ASTN2: variants seen among roughly 807,000 people sequenced by gnomAD.
ASTN2 encodes astrotactin 2.
In ASTN2, 54 loss-of-function variants were observed where a neutral mutation model predicts 139.8. The observed-to-expected ratio is 0.39, with a 90% CI of 0.31 to 0.48. The LOEUF is 0.48. Among genes scored for constraint, ASTN2 ranks in the 20% least tolerant of loss-of-function variants. The pLI is 0.95. For missense variants in ASTN2, 1,565 were observed against 1,725.1 expected, an observed-to-expected ratio of 0.91 and a Z score of 1.64; for synonymous variants, 756 against 719.5, an observed-to-expected ratio of 1.05 and a Z score of -0.81.
rs541328432 is a variant in ASTN2, at chr9:117,200,056, C to CT, written c.1015+14301dup. 3.5e-4 allele frequency among the ~76,000 whole-genome samples: 52 copies of CT among 150,472 alleles called. 1 individual carries two copies. Among genetic ancestry groups the CT allele is most frequent in the Non-Finnish European group, 4.1e-4 (28 of 67,512 alleles). On this transcript the variant is annotated intron_variant, in intron 3 of 22. Coordinates refer to ENST00000313400, the MANE Select transcript of ASTN2 (RefSeq NM_001365068.1). Reference sequence around the variant, plus strand: ...TTTGGGGCTGAGATGATGGAGTTTTCTTTTTTTTATTATTATTATTTTTTA... The same window carrying CT: ...TTTGGGGCTGAGATGATGGAGTTTTCTTTTTTTTTATTATTATTATTTTTTA...
chr9:117,061,845 G>T (rs1452020557), intron 5 of ASTN2, among the ~76,000 whole-genome samples: 2 of 152,046 alleles, frequency 1.3e-5, no homozygotes, highest in Admixed American at 1.3e-4. Context: ...GGGAGAGTTG[G>T]AAAAAAATCA....
At chr9:117,022,755 T>G (rs1443046757) in intron 6 of ASTN2, among the ~76,000 whole-genome samples, 1 of 152,036 alleles carries the variant, frequency 6.6e-6, no homozygotes, top group Admixed American at 6.6e-5. Context: ...AGCTGGGAGT[T>G]GGGGACTCAG....
intron 10 of ASTN2, among the ~76,000 whole-genome samples, chr9:116,945,637 C>T (rs1835374164): frequency 6.6e-6 from 1 of 151,902 alleles, no homozygotes; most frequent in Non-Finnish European, 1.5e-5. Context: ...TCCCTCCCTT[C>T]CTTCCTTCCA....
intron 19 of ASTN2, among the ~76,000 whole-genome samples, chr9:116,549,007 A>G (rs55716267): frequency 0.023 from 3,573 of 152,258 alleles, 130 homozygotes; most frequent in African/African-American, 0.082. Context: ...TTCTAGAAGG[A>G]GAAATTCTGA....
intron 10 of ASTN2, among the ~76,000 whole-genome samples, chr9:116,896,969 C>T (rs778218523): frequency 2.6e-5 from 4 of 152,174 alleles, no homozygotes; most frequent in Admixed American, 6.5e-5. Context: ...AACAAGAACT[C>T]GATCTCGTTA....
At chr9:116,962,764 C>T (rs751656942) in intron 10 of ASTN2, among the ~76,000 whole-genome samples, 7 of 152,008 alleles carry the variant, frequency 4.6e-5, no homozygotes, top group Non-Finnish European at 8.8e-5. Flanking sequence ...TGTGTGTTGT[C>T]ATAATATAAT....
At chr9:117,126,669 C>A (rs569879857) in intron 4 of ASTN2, among the ~76,000 whole-genome samples, 15 of 152,330 alleles carry the variant, frequency 9.8e-5, no homozygotes, top group African/African-American at 3.1e-4. Context: ...GGAAGCCTAA[C>A]TGGTTTCACT....
intron 3 of ASTN2, among the ~76,000 whole-genome samples, chr9:117,190,854 A>G (rs975126272): frequency 1.3e-5 from 2 of 152,042 alleles, no homozygotes; most frequent in African/African-American, 4.8e-5. Context: ...TATCTAATAT[A>G]TACATATATT....
At chr9:116,984,628 CTAAAG>C (rs1314372459) in intron 7 of ASTN2, among the ~76,000 whole-genome samples, 6 of 152,014 alleles carry the variant, frequency 3.9e-5, no homozygotes, top group Admixed American at 1.3e-4. Flanking sequence ...GAAGGAGAGA[CTAAAG>C]TAAGAGGGAG....
At chr9:116,463,908 G>GTGTTT (rs1438137299) in intron 20 of ASTN2, among the ~76,000 whole-genome samples, 2 of 115,932 alleles carry the variant, frequency 1.7e-5, no homozygotes, top group Non-Finnish European at 3.5e-5. Context: ...AGAGTTTTGT[G>GTGTTT]TTTTTTTTTT....
At chr9:116,692,750 C>G (rs541387054) in intron 16 of ASTN2, among the ~76,000 whole-genome samples, 1 of 152,266 alleles carries the variant, frequency 6.6e-6, no homozygotes, top group African/African-American at 2.4e-5. Flanking sequence ...GTTTTCTCAT[C>G]TATTTTACAA....
At chr9:117,269,532 C>T (rs1291994092) in intron 2 of ASTN2, among the ~76,000 whole-genome samples, 1 of 152,080 alleles carries the variant, frequency 6.6e-6, no homozygotes, top group Admixed American at 6.5e-5. Context: ...AAAATGTCAA[C>T]AATGGTGCTT....
At chr9:117,177,769 T>G (rs1435347249) in intron 3 of ASTN2, among the ~76,000 whole-genome samples, 1 of 152,192 alleles carries the variant, frequency 6.6e-6, no homozygotes, top group Non-Finnish European at 1.5e-5. Flanking sequence ...TCATTTTTGT[T>G]ATTGTTATAT....
intron 17 of ASTN2, 83 bp from the exon 18 acceptor site, chr9:116,620,526 A>G (rs1298347090): frequency 6.4e-7 from 1 of 1,554,152 alleles, no homozygotes; most frequent in Non-Finnish European, 8.8e-7. Context: ...CCATGATGTG[A>G]GCCATCGAGG....
intron 17 of ASTN2, among the ~76,000 whole-genome samples, chr9:116,638,940 A>T (rs1413188683): frequency 6.6e-6 from 1 of 152,234 alleles, no homozygotes; most frequent in Non-Finnish European, 1.5e-5. Flanking sequence ...TTTAAGAGAT[A>T]AGGATTTTAA....
intron 19 of ASTN2, among the ~76,000 whole-genome samples, chr9:116,609,322 C>T (rs373316735): frequency 9.5e-6 from 1 of 105,632 alleles, no homozygotes; most frequent in East Asian, 2.8e-4. Context: ...CTCTCTCTCT[C>T]TCTCTCTATA....
intron 1 of ASTN2, among the ~76,000 whole-genome samples, chr9:117,317,515 A>G (rs1828180948): frequency 6.6e-6 from 1 of 152,200 alleles, no homozygotes; most frequent in Non-Finnish European, 1.5e-5. Flanking sequence ...CAGGTAGGAT[A>G]ACTGGTTCCA....
chr9:117,344,641 T>C (rs10983629), intron 1 of ASTN2, among the ~76,000 whole-genome samples: 13,721 of 152,210 alleles, frequency 0.09, 728 homozygotes, highest in Non-Finnish European at 0.1. Context: ...AGCATGTTTC[T>C]CTTATGCAAT....
At chr9:117,180,627 CTTT>C (rs372662181) in intron 3 of ASTN2, 6,804 of 918,680 alleles carry the variant, frequency 7.4e-3, no homozygotes, top group Middle Eastern at 9.5e-3. Context: ...TCTGGAGTAT[CTTT>C]TTTTTTTTTT....
Sources: allele counts gnomAD v4.1 joint callset (sites outside exome capture counted in the v4.1 genomes callset), GRCh38; gene constraint gnomAD v4.1.1; transcripts MANE v1.5; gene names NCBI Gene and HGNC (gene_info 2026-07-23, HGNC 2026-07-21).